Variants in MTARC1 observed in about 807,000 individuals in gnomAD.
MTARC1 encodes mitochondrial amidoxime-reducing component 1.
MTARC1 carries 24 observed loss-of-function variants against 33.6 expected under a neutral mutation model. The ratio of observed to expected loss-of-function variants is 0.72; its 90% confidence interval spans 0.52 to 1.01. MTARC1 has a LOEUF of 1.01. MTARC1 is among the 50% of genes least tolerant of loss of function. The pLI, the probability that MTARC1 is intolerant of heterozygous loss-of-function variation, is 0.00. For missense variants in MTARC1, 417 were observed against 445.7 expected (o/e 0.94, Z 0.58); for synonymous variants, 187 against 189.5 (o/e 0.99, Z 0.11).
At chr1:220,791,364 C>T in intron 1 of MTARC1, 127 bp from the exon 2 acceptor site, 1 of 1,009,482 alleles carries the variant, frequency 9.9e-7, no homozygotes, top group South Asian at 1.6e-5. Flanking sequence ...CACACACACT[C>T]AAACTCACAC....
intron 1 of MTARC1, among the ~76,000 whole-genome samples, chr1:220,790,078 G>C (rs1672374705): frequency 6.6e-6 from 1 of 152,296 alleles, no homozygotes; most frequent in Middle Eastern, 3.4e-3. Context: ...TCCATTCTCT[G>C]TTGATGGACA....
Position 220,819,290 on chromosome 1 carries a change from A to G in MTARC1, c.*5872A>G, listed in dbSNP as rs913913101. The G allele has an allele frequency of 8.5e-5, 13 of 152,262 alleles. No homozygotes were observed. Among genetic ancestry groups the G allele is most frequent in the African/African-American group, 3.1e-4 (13 of 41,470 alleles). The allele number at this position is 152,262 out of a possible 1,614,324, so 9.4% of individuals were successfully genotyped here. ...GTCCCAAGGACAAATTTTAACAACCATAATCTGCCCTCAGTCATCATAAAT... is the reference window on the plus strand; with the variant it reads ...GTCCCAAGGACAAATTTTAACAACCGTAATCTGCCCTCAGTCATCATAAAT... On this transcript the variant is annotated 3_prime_UTR_variant, in exon 7 of 7. Coordinates refer to ENST00000366910, the MANE Select transcript of MTARC1 (RefSeq NM_022746.4).
chr1:220,804,962 G>A (rs756748458), intron 4 of MTARC1, 90 bp from the exon 5 acceptor site: 48 of 1,381,962 alleles, frequency 3.5e-5, no homozygotes, highest in African/African-American at 8.5e-5. Flanking sequence ...GGGTGACATC[G>A]TTAGGTGCGA....
At chr1:220,803,276 C>CA (rs1486866258) in intron 4 of MTARC1, among the ~76,000 whole-genome samples, 2 of 151,938 alleles carry the variant, frequency 1.3e-5, no homozygotes, top group East Asian at 1.9e-4. Flanking sequence ...TTCACTATCA[C>CA]AAAAAAAGCA....
rs1673274177 is a variant in MTARC1 at position 220,816,163 on chromosome 1, G to C, written c.*2745G>C. 1 of 152,258 alleles carries C rather than the reference G, an allele frequency of 6.6e-6. No homozygotes were observed. Among genetic ancestry groups the C allele is most frequent in the Non-Finnish European group, 1.5e-5 (1 of 68,088 alleles). 9.4% of individuals were successfully genotyped at this position (152,258 alleles called of 1,614,324 possible). On this transcript the variant is annotated 3_prime_UTR_variant, in exon 7 of 7. Transcript: ENST00000366910. The stretch of plus-strand genomic sequence containing the variant: ...TTGTGAGGGTCTGCCAGTTTGGTAA[G>C]AGTGCATGGGGAGGTTGGGTAAATT...
intron 4 of MTARC1, chr1:220,798,342 G>A (rs1571670370): frequency 8.2e-7 from 1 of 1,221,202 alleles, no homozygotes; most frequent in African/African-American, 1.6e-5. Context: ...AACAAAGAAA[G>A]TGTGTGCTCC....
At chr1:220,799,182 CA>C in intron 4 of MTARC1, 1 of 983,346 alleles carries the variant, frequency 1.0e-6, no homozygotes, top group Non-Finnish European at 1.2e-6. Context: ...AAAGTACGCC[CA>C]AATCCACTGC....
At chr1:220,798,556 G>T (rs986767803) in intron 4 of MTARC1, 41 of 985,322 alleles carry the variant, frequency 4.2e-5, no homozygotes, top group Non-Finnish European at 4.8e-5. Context: ...CTGAGGCTTG[G>T]TTTCTGGGAT....
chr1:220,788,416 G>A (rs1054997512), intron 1 of MTARC1, among the ~76,000 whole-genome samples: 17 of 152,326 alleles, frequency 1.1e-4, no homozygotes, highest in African/African-American at 3.4e-4. Flanking sequence ...TCCCCAGACA[G>A]AGGGCAATTC....
rs1215646082 is a variant in MTARC1, at chr1:220,816,813, T to G, written c.*3395T>G. The G allele has an allele frequency of 6.6e-6, 1 of 152,256 alleles. No individual in the cohort carries two copies. The highest frequency in any genetic ancestry group is 1.5e-5 in the Non-Finnish European group (1 of 68,108). 9.4% of individuals were successfully genotyped at this position (152,256 alleles called of 1,614,324 possible). ...GGAGTAAAAGGATGGAACTGGGACTTGATAGGTTAAAGGAGGTGTGGAGAA... is the reference window on the plus strand; with the variant it reads ...GGAGTAAAAGGATGGAACTGGGACTGGATAGGTTAAAGGAGGTGTGGAGAA... On this transcript the variant is annotated 3_prime_UTR_variant, in exon 7 of 7. Coordinates refer to ENST00000366910, the MANE Select transcript of MTARC1 (RefSeq NM_022746.4).
rs747878062 is a variant in MTARC1 at position 220,791,653 on chromosome 1, G to A, written c.438G>A (p.Val146=). 4 of 1,614,114 alleles carry A rather than the reference G, an allele frequency of 2.5e-6. No homozygotes were observed. The South Asian group carries it at 3.3e-5, about 13-fold the overall frequency. ...LPIKTPTTNA[V]HKCRVHGLEI... ...TCAAAACGCCCACCACAAATGCAGTGCACAAGTGCAGGTAAGGAAAGGGCA... is the reference window on the plus strand; with the variant it reads ...TCAAAACGCCCACCACAAATGCAGTACACAAGTGCAGGTAAGGAAAGGGCA... Residue 146 remains valine, a synonymous_variant, in exon 2 of 7, where the codon GTG becomes GTA. Transcript: ENST00000366910.
intron 4 of MTARC1, among the ~76,000 whole-genome samples, chr1:220,803,801 GT>G (rs60610477): frequency 4.9e-4 from 75 of 151,934 alleles, no homozygotes; most frequent in African/African-American, 1.8e-3. Context: ...CTTTTTATGT[GT>G]TTTTTTGTGA....
chr1:220,812,120 A>T (rs1397118684), intron 6 of MTARC1, among the ~76,000 whole-genome samples: 2 of 152,236 alleles, frequency 1.3e-5, no homozygotes, highest in African/African-American at 4.8e-5. Flanking sequence ...TACAATTCTA[A>T]AGCATGGGGA....
rs1232275628 is a variant in MTARC1, at chr1:220,813,660, G to T, written c.*242G>T. On this transcript the variant is annotated 3_prime_UTR_variant, in exon 7 of 7. Transcript: ENST00000366910. ...GTAAGTCACTTAAATGACAAGACAG[G>T]ATTCTGAAAACTCCCCGTTTAACTG... The T allele has an allele frequency of 4.4e-6, 2 of 454,178 alleles. No individual in the cohort carries two copies. Among genetic ancestry groups the T allele is most frequent in the Non-Finnish European group, 7.9e-6 (2 of 252,544 alleles). 28.1% of individuals were successfully genotyped at this position (454,178 alleles called of 1,614,324 possible). A position where few individuals can be genotyped will look rare whatever the true frequency, so the allele number is the denominator to read the frequency against.
In MTARC1 at chr1:220,787,074, T is replaced by G; in HGVS notation, c.130T>G (p.Trp44Gly). The change falls in exon 1 of 7, where the codon TGG (tryptophan) becomes GGG (glycine). Residue 44 changes from tryptophan (W) to glycine (G), a missense_variant. Transcript: ENST00000366910. ...GGGGGCTGTCGCCTGGCGCCGCGCA[T>G]GGCCCACGCGGCGCCGGCGGCTGCT... ...ALGAVAWRRA[W>G]PTRRRRLLQQ... 1 of 1,479,144 alleles carries G rather than the reference T, an allele frequency of 6.8e-7. No individual in the cohort carries two copies. The highest frequency in any genetic ancestry group is 8.9e-7 in the Non-Finnish European group (1 of 1,121,062). The allele number at this position is 1,479,144 out of a possible 1,614,324, so 91.6% of individuals were successfully genotyped here.
Position 220,813,297 on chromosome 1 carries a change from G to A in MTARC1, c.893G>A (p.Arg298His), listed in dbSNP as rs759728830. ...ATGATCTTTTCCTATTGCAGTTATC[G>A]CCAGTGTGACCCTTCAGAACGAAAG... is the stretch of plus-strand genomic sequence containing the variant. Reference protein sequence around the residue: ...KEPLETLKSYRQCDPSERKLY... With the variant: ...KEPLETLKSYHQCDPSERKLY... Residue 298 changes from arginine (R) to histidine (H), a missense_variant, in exon 7 of 7, where the codon CGC becomes CAC. Arg to His is a conservative substitution (Grantham distance 29, BLOSUM62 0). Coordinates refer to ENST00000366910, the MANE Select transcript of MTARC1 (RefSeq NM_022746.4). The A allele has an allele frequency of 1.2e-5, 19 of 1,613,834 alleles. No homozygotes were observed. The highest frequency in any genetic ancestry group is 9.4e-5 in the African/African-American group (7 of 74,826).
At chr1:220,805,306 G>T in intron 6 of MTARC1, 32 bp downstream of exon 6, 1 of 1,611,284 alleles carries the variant, frequency 6.2e-7, no homozygotes, top group Non-Finnish European at 8.5e-7. Context: ...TCATCCTCGG[G>T]TTTAGGTGCC....
rs1010866381 is a variant in MTARC1, at chr1:220,800,098, A to C, written c.753+2084A>C. Among the ~76,000 whole-genome samples the C allele has an allele frequency of 7.2e-5, 11 of 152,112 alleles. 1 individual carries two copies. The highest frequency in any genetic ancestry group is 5.2e-4 in the Admixed American group (8 of 15,284). On this transcript the variant is annotated intron_variant, in intron 4 of 6. Coordinates refer to ENST00000366910, the MANE Select transcript of MTARC1 (RefSeq NM_022746.4). ...GCCATTTCCACCCCAAAATTCTGTG[A>C]CAGTAAGATTCGGATGACAGGAGAA... is the stretch of plus-strand genomic sequence containing the variant.
chr1:220,804,967 G>T (rs1463029049), intron 4 of MTARC1, 85 bp from the exon 5 acceptor site: 1 of 1,425,582 alleles, frequency 7.0e-7, no homozygotes, highest in African/African-American at 1.4e-5. Flanking sequence ...ACATCGTTAG[G>T]TGCGAGGGCT....
Sources: gnomAD v4.1 joint callset for allele counts (sites outside exome capture counted in the v4.1 genomes callset) on GRCh38, gnomAD v4.1.1 for gene constraint, MANE v1.5 for transcripts, NCBI Gene and HGNC (gene_info 2026-07-23, HGNC 2026-07-21) for gene names.